PHF2: variants seen among roughly 807,000 people sequenced by gnomAD.
PHF2 encodes the protein lysine-specific demethylase PHF2.
PHF2 carries 27 observed loss-of-function variants against 120.5 expected under a neutral mutation model. That is an observed-to-expected ratio of 0.22 (90% CI 0.17 to 0.31). The LOEUF (loss-of-function observed/expected upper bound fraction) is 0.31. PHF2 is among the 10% of genes least tolerant of loss of function. The probability of loss-of-function intolerance (pLI) is 1.00; values close to 1 mark genes in which losing one functional copy is unlikely to be tolerated. For missense variants in PHF2, 1,024 were observed against 1,434.8 expected, an observed-to-expected ratio of 0.71 and a Z score of 4.63; for synonymous variants, 568 against 592.5, an observed-to-expected ratio of 0.96 and a Z score of 0.60.
At chr9:93,594,811 TC>T (rs1825302044) in intron 1 of PHF2, 1 of 152,302 alleles carries the variant, frequency 6.6e-6, no homozygotes, top group African/African-American at 2.4e-5. Flanking sequence ...CAGCCTAAGT[TC>T]CAGTCTGAAG....
intron 1 of PHF2, among the ~76,000 whole-genome samples, chr9:93,601,270 C>T (rs150097192): frequency 2.0e-5 from 3 of 152,282 alleles, no homozygotes; most frequent in Non-Finnish European, 2.9e-5. Context: ...GGGACTCCAG[C>T]CCATGGTGGG....
intron 2 of PHF2, among the ~76,000 whole-genome samples, chr9:93,634,939 C>T (rs2131660801): frequency 6.6e-6 from 1 of 152,334 alleles, no homozygotes; most frequent in Non-Finnish European, 1.5e-5. Flanking sequence ...CAACCTACAT[C>T]CCACAGCCAC....
intron 20 of PHF2, among the ~76,000 whole-genome samples, chr9:93,676,380 TCA>T (rs1241030710): frequency 1.3e-5 from 2 of 152,170 alleles, no homozygotes; most frequent in Non-Finnish European, 2.9e-5. Flanking sequence ...CTAGGTTAAC[TCA>T]CACTGACAGG....
intron 4 of PHF2, among the ~76,000 whole-genome samples, chr9:93,647,681 G>A (rs1022925754): frequency 1.3e-5 from 2 of 152,164 alleles, no homozygotes; most frequent in Non-Finnish European, 2.9e-5. Context: ...CTTGAGGCCA[G>A]GAGTTCGAGA....
chr9:93,611,325 G>T (rs376924095), intron 1 of PHF2, among the ~76,000 whole-genome samples: 4 of 151,412 alleles, frequency 2.6e-5, no homozygotes, highest in African/African-American at 9.7e-5. Context: ...TGAGGCAGAA[G>T]AATTGCTTGA....
intron 1 of PHF2, among the ~76,000 whole-genome samples, chr9:93,577,914 C>A (rs747288895): frequency 6.6e-6 from 1 of 152,192 alleles, no homozygotes; most frequent in Non-Finnish European, 1.5e-5. Context: ...GTGTTTGGAC[C>A]CGGGGCTGGC....
chr9:93,619,558 C>T (rs768340244), intron 1 of PHF2, among the ~76,000 whole-genome samples: 81 of 152,252 alleles, frequency 5.3e-4, no homozygotes, highest in Non-Finnish European at 1.1e-3. Flanking sequence ...TCCACGCCTG[C>T]TGGTAGCCCC....
intron 1 of PHF2, among the ~76,000 whole-genome samples, chr9:93,604,335 T>A (rs1388212481): frequency 6.7e-6 from 1 of 149,366 alleles, no homozygotes; most frequent in Non-Finnish European, 1.5e-5. Context: ...TAGCGAGACT[T>A]CTTTTTTTTT....
chr9:93,645,417 C>T (rs534354951), intron 3 of PHF2, among the ~76,000 whole-genome samples: 41 of 152,352 alleles, frequency 2.7e-4, no homozygotes, highest in Middle Eastern at 3.4e-3. Context: ...TCCCTGCTCC[C>T]CCAAACAGTG....
At chr9:93,581,893 A>G (rs367760103) in intron 1 of PHF2, among the ~76,000 whole-genome samples, 1 of 152,290 alleles carries the variant, frequency 6.6e-6, no homozygotes, top group East Asian at 1.9e-4. Flanking sequence ...GTGGGCCAGA[A>G]AATAGTGTTC....
intron 10 of PHF2, among the ~76,000 whole-genome samples, chr9:93,658,985 C>T (rs1273027661): frequency 6.6e-6 from 1 of 152,216 alleles, no homozygotes; most frequent in East Asian, 1.9e-4. Flanking sequence ...ACTATGCCCA[C>T]TCTTGAGGGA....
chr9:93,618,379 G>A (rs1825760367), intron 1 of PHF2, among the ~76,000 whole-genome samples: 1 of 152,232 alleles, frequency 6.6e-6, no homozygotes, highest in South Asian at 2.1e-4. Context: ...ACACAGACAT[G>A]GACACGCATA....
At chr9:93,595,491 AT>A (rs1202546919) in intron 1 of PHF2, among the ~76,000 whole-genome samples, 1 of 152,246 alleles carries the variant, frequency 6.6e-6, no homozygotes, top group Non-Finnish European at 1.5e-5. Flanking sequence ...GAAATTTAGG[AT>A]TTGGAGTCAC....
chr9:93,607,917 TGA>T (rs1436256078), intron 1 of PHF2, among the ~76,000 whole-genome samples: 6 of 116,804 alleles, frequency 5.1e-5, no homozygotes, highest in Non-Finnish European at 5.2e-5. Flanking sequence ...GGGAAAGAGA[TGA>T]GAGAGAGAGA....
intron 3 of PHF2, among the ~76,000 whole-genome samples, chr9:93,644,370 A>G (rs563845125): frequency 4.7e-5 from 7 of 148,904 alleles, no homozygotes; most frequent in Admixed American, 2.7e-4. Context: ...CTGGGCAACA[A>G]GAGAGAAACT....
At chr9:93,673,436 C>A in intron 17 of PHF2, 149 bp from the exon 18 acceptor site, 1 of 554,910 alleles carries the variant, frequency 1.8e-6, no homozygotes, top group Non-Finnish European at 2.9e-6. Context: ...GTCATCAGCT[C>A]ACTGCCACCC....
rs1826695474 is a variant in PHF2, at chr9:93,667,084, A to G, written c.2192A>G (p.Asp731Gly). Residue 731 changes from aspartate (D) to glycine (G), a missense_variant, in exon 17 of 22, where the codon GAT (aspartate) becomes GGT (glycine). Asp to Gly is a moderately conservative substitution (Grantham distance 94). This residue lies in a region of PHF2 where 677 missense variants were observed against 857.4 expected (regional missense o/e 0.79). Coordinates refer to ENST00000359246, the MANE Select transcript of PHF2 (RefSeq NM_005392.4). The part of the protein sequence containing the change: ...PKLDSAAYKS[D>G]DSSDEGSLHI... The stretch of plus-strand genomic sequence containing the variant: ...GCCCTGTCCCTCGCGCAGCAGAGTG[A>G]TGACTCCTCGGACGAGGGTTCGCTG... 1.2e-6 allele frequency: 2 copies of G among 1,612,256 alleles called. No individual in the cohort carries two copies. The highest frequency in any genetic ancestry group is 1.7e-6 in the Non-Finnish European group (2 of 1,179,720).
At chr9:93,675,287 T>A (rs562431117) in intron 19 of PHF2, among the ~76,000 whole-genome samples, 1 of 152,348 alleles carries the variant, frequency 6.6e-6, no homozygotes, top group East Asian at 1.9e-4. Flanking sequence ...TCTGGCTGGC[T>A]CCTCTCTGGT....
rs67001312 is a variant in PHF2, at chr9:93,602,247, CTTTTTT to C, written c.98+25394_98+25399del. Among the ~76,000 whole-genome samples, 298 of 79,706 alleles carry C rather than the reference CTTTTTT, an allele frequency of 3.7e-3. 8 individuals carry two copies. In the East Asian group the frequency reaches 0.098, roughly 26 times the overall value. 52.3% of individuals were successfully genotyped at this position (79,706 alleles called of 152,430 possible). A position where few individuals can be genotyped will look rare whatever the true frequency, so the allele number is the denominator to read the frequency against. ...AAGTCATTTTGCATTCCTAGAGATT[CTTTTTT>C]TTTTTTTTTTTTTTTTTGAGATGGA... On this transcript the variant is annotated intron_variant, in intron 1 of 21. Transcript: ENST00000359246.
Sources: gnomAD v4.1 joint callset for allele counts (sites outside exome capture counted in the v4.1 genomes callset) on GRCh38, gnomAD v4.1.1 for gene constraint, gnomAD v4.1.1 regional missense constraint, MANE v1.5 for transcripts, NCBI Gene and HGNC (gene_info 2026-07-23, HGNC 2026-07-21) for gene names.